Variants in RGS6 observed in about 807,000 individuals in gnomAD.
RGS6 encodes the protein regulator of G-protein signaling 6.
A neutral mutation model predicts 78.5 loss-of-function variants in RGS6; 30 were observed. The ratio of observed to expected loss-of-function variants is 0.38; its 90% CI spans 0.29 to 0.52. The LOEUF is 0.52. Ranked by LOEUF, RGS6 falls within the 20% of genes least tolerant of loss-of-function variation. The pLI is 0.85. For missense variants in RGS6, 495 were observed against 609.7 expected (o/e 0.81, Z 1.98); for synonymous variants, 206 against 206.0 (o/e 1.00, Z 0.00).
At chr14:72,555,788 T>TAA (rs2097566540) in intron 17 of RGS6, among the ~76,000 whole-genome samples, 2 of 152,382 alleles carry the variant, frequency 1.3e-5, no homozygotes, top group Non-Finnish European at 1.5e-5. Context: ...TGGACATAAG[T>TAA]AAGTGCGGGT....
intron 3 of RGS6, among the ~76,000 whole-genome samples, chr14:72,353,067 G>T (rs2079449177): frequency 6.6e-6 from 1 of 152,174 alleles, no homozygotes; most frequent in South Asian, 2.1e-4. Context: ...AGCATGTGAA[G>T]CAACTGGAAC....
chr14:72,198,329 G>A (rs1227746522), intron 2 of RGS6, among the ~76,000 whole-genome samples: 3 of 152,188 alleles, frequency 2.0e-5, no homozygotes, highest in African/African-American at 7.2e-5. Context: ...CTCCAGCCTG[G>A]CGACAGAGCA....
chr14:71,948,743 T>C (rs1242428058), intron 1 of RGS6, among the ~76,000 whole-genome samples: 55 of 94,160 alleles, frequency 5.8e-4, no homozygotes, highest in East Asian at 7.8e-4. Flanking sequence ...TCTCTCTCTT[T>C]TTTTTTTTTT....
chr14:72,424,995 A>G (rs2094374036), intron 3 of RGS6, among the ~76,000 whole-genome samples: 1 of 152,236 alleles, frequency 6.6e-6, no homozygotes, highest in South Asian at 2.1e-4. Flanking sequence ...CATGCAGGAA[A>G]CATTCAGTAA....
intron 3 of RGS6, chr14:72,421,695 C>G (rs1438842800): frequency 6.6e-6 from 1 of 152,238 alleles, no homozygotes; most frequent in African/African-American, 2.4e-5. Context: ...ATCAGTGGAG[C>G]ACCAAGGGGA....
At chr14:71,888,053 T>C in the RGS6 span, among the ~76,000 whole-genome samples, 4 of 152,282 alleles carry the variant, frequency 2.6e-5, no homozygotes, top group African/African-American at 9.6e-5. Flanking sequence ...CCTCTCTTTA[T>C]ACTGTCTCTC....
chr14:71,999,252 T>C (rs699358), intron 2 of RGS6, among the ~76,000 whole-genome samples: 1 of 152,070 alleles, frequency 6.6e-6, no homozygotes, highest in Non-Finnish European at 1.5e-5. Flanking sequence ...GGTTATTTAG[T>C]TTTCAAAGTT....
intron 2 of RGS6, among the ~76,000 whole-genome samples, chr14:72,036,904 A>T (rs1596404690): frequency 6.6e-6 from 1 of 152,102 alleles, no homozygotes; most frequent in East Asian, 1.9e-4. Flanking sequence ...TATATTTTAC[A>T]TTTAAATGTG....
intron 2 of RGS6, among the ~76,000 whole-genome samples, chr14:72,338,681 T>G (rs971118832): frequency 9.2e-5 from 14 of 152,212 alleles, no homozygotes; most frequent in African/African-American, 2.7e-4. Flanking sequence ...CTATACAAAC[T>G]GGGGCTTGTT....
At chr14:72,543,307 G>A (rs1261642087) in intron 17 of RGS6, among the ~76,000 whole-genome samples, 2 of 152,184 alleles carry the variant, frequency 1.3e-5, no homozygotes, top group Admixed American at 1.3e-4. Context: ...CTGCCCTGGT[G>A]CAGTGAATAA....
At chr14:72,174,656 C>G (rs1368468713) in intron 2 of RGS6, among the ~76,000 whole-genome samples, 1 of 152,124 alleles carries the variant, frequency 6.6e-6, no homozygotes, top group African/African-American at 2.4e-5. Flanking sequence ...GATACAAGGC[C>G]TATGTCTTGG....
the RGS6 span, among the ~76,000 whole-genome samples, chr14:72,609,608 A>G: frequency 0.043 from 6,619 of 152,240 alleles, 498 homozygotes; most frequent in African/African-American, 0.15. Flanking sequence ...TGGGAACCTG[A>G]CACACGTGGG....
intron 13 of RGS6, among the ~76,000 whole-genome samples, chr14:72,500,590 C>T (rs187858424): frequency 7.0e-4 from 106 of 152,316 alleles, no homozygotes; most frequent in African/African-American, 2.5e-3. Flanking sequence ...GTAAATAAAA[C>T]ATGCTATCTT....
chr14:72,492,720 T>G (rs2096594641), intron 12 of RGS6, among the ~76,000 whole-genome samples: 1 of 152,138 alleles, frequency 6.6e-6, no homozygotes, highest in Admixed American at 6.5e-5. Context: ...TCCCCGACCC[T>G]GCTCTCAGGC....
intron 3 of RGS6, among the ~76,000 whole-genome samples, chr14:72,360,464 G>A (rs1332018128): frequency 2.0e-5 from 3 of 151,976 alleles, no homozygotes; most frequent in African/African-American, 7.3e-5. Context: ...AGAGCTTGCA[G>A]TGAGCCAAGA....
chr14:72,621,340 CA>C, the RGS6 span, among the ~76,000 whole-genome samples: 67 of 152,172 alleles, frequency 4.4e-4, no homozygotes, highest in South Asian at 0.013. Context: ...GATCTGGCCC[CA>C]CCCCCTAGTT....
At chr14:72,248,179 C>T (rs924210108) in intron 2 of RGS6, among the ~76,000 whole-genome samples, 6 of 152,312 alleles carry the variant, frequency 3.9e-5, no homozygotes, top group Admixed American at 1.3e-4. Flanking sequence ...ATGACCCAGA[C>T]ATTATTTGCC....
At chr14:72,238,059 C>T (rs769353914) in intron 2 of RGS6, among the ~76,000 whole-genome samples, 1 of 152,044 alleles carries the variant, frequency 6.6e-6, no homozygotes, top group African/African-American at 2.4e-5. Context: ...GGGAGTGGCT[C>T]TCAGTGGAAA....
intron 2 of RGS6, among the ~76,000 whole-genome samples, chr14:72,339,297 T>A (rs1248597303): frequency 6.6e-6 from 1 of 152,178 alleles, no homozygotes; most frequent in Non-Finnish European, 1.5e-5. Context: ...AAGTGCCGTT[T>A]AAGAAAGCAG....
Sources: gnomAD v4.1 joint callset for allele counts (sites outside exome capture counted in the v4.1 genomes callset) on GRCh38, gnomAD v4.1.1 for gene constraint, MANE v1.5 for transcripts, NCBI Gene and HGNC (gene_info 2026-07-23, HGNC 2026-07-21) for gene names.